Variants in ZNF705D observed in about 807,000 individuals in gnomAD.
ZNF705D encodes zinc finger protein 705D.
For missense variants in ZNF705D, 6 were observed against 129.4 expected, an observed-to-expected ratio of 0.05 and a Z score of 4.63; for synonymous variants, 1 against 43.8, an observed-to-expected ratio of 0.02 and a Z score of 3.86.
chr8:12,095,753 T>TACACACACACAC, the ZNF705D span, among the ~76,000 whole-genome samples: 7 of 27,604 alleles, frequency 2.5e-4, no homozygotes, highest in Non-Finnish European at 3.7e-4. Context: ...TTTTTACTCC[T>TACACACACACAC]ACACACACAC....
the ZNF705D span, among the ~76,000 whole-genome samples, chr8:12,089,988 TG>T: frequency 1.7e-5 from 1 of 58,244 alleles, no homozygotes; most frequent in Non-Finnish European, 5.2e-5. Flanking sequence ...GCCTCCCGAC[TG>T]ACAAAGAAAT....
chr8:12,095,352 AG>A, the ZNF705D span: 2 of 336,740 alleles, frequency 5.9e-6, no homozygotes, highest in Non-Finnish European at 8.0e-6. Flanking sequence ...ACAGCAGAAG[AG>A]GGTTATTGTA....
chr8:12,091,803 T>G, the ZNF705D span, among the ~76,000 whole-genome samples: 9 of 27,410 alleles, frequency 3.3e-4, 1 homozygote, highest in Non-Finnish European at 4.8e-4. Flanking sequence ...TTTTTTGTTT[T>G]TTTTTTTTAG....
upstream of ZNF705D, among the ~76,000 whole-genome samples, chr8:12,107,632 C>T (rs1418575491): frequency 4.2e-5 from 3 of 71,786 alleles, 1 homozygote; most frequent in South Asian, 1.1e-3. Flanking sequence ...ATTATTTCCA[C>T]GTTCCAAGGG....
At chr8:12,109,482 T>C (rs1802249264) in intron 1 of ZNF705D, among the ~76,000 whole-genome samples, 1 of 84,580 alleles carries the variant, frequency 1.2e-5, no homozygotes, top group African/African-American at 3.0e-5. Context: ...AGAGAAATAA[T>C]TTATTTCATC....
intron 2 of ZNF705D, among the ~76,000 whole-genome samples, chr8:12,110,536 T>C (rs1248551138): frequency 3.2e-4 from 5 of 15,826 alleles, no homozygotes; most frequent in Non-Finnish European, 6.9e-4. Flanking sequence ...TTATGCATTG[T>C]GTCTTGGAAC....
upstream of ZNF705D, among the ~76,000 whole-genome samples, chr8:12,103,450 G>C (rs1487942106): frequency 1.7e-4 from 12 of 70,966 alleles, no homozygotes; most frequent in Admixed American, 4.6e-4. Context: ...GACCCGAACA[G>C]ATGCCTGAAT....
In ZNF705D at chr8:12,109,463, C is replaced by T. The variant is rs1402042901; in HGVS notation, c.13-437C>T. On this transcript the variant is annotated intron_variant, in intron 1 of 4. Transcript: ENST00000400078. ...ACCATTTGATTGGGGAGAAACCTGT[C>T]GTTCATCTAGAGAAATAATTTATTT... Among the ~76,000 whole-genome samples the T allele has an allele frequency of 3.5e-5, 3 of 86,252 alleles. 1 individual carries two copies. Among genetic ancestry groups the T allele is most frequent in the Non-Finnish European group, 5.8e-5 (2 of 34,490 alleles). 56.6% of individuals were successfully genotyped at this position (86,252 alleles called of 152,430 possible).
upstream of ZNF705D, among the ~76,000 whole-genome samples, chr8:12,107,347 G>A (rs1802224820): frequency 3.7e-5 from 2 of 54,016 alleles, no homozygotes; most frequent in African/African-American, 1.1e-4. Context: ...TGTCGCCATC[G>A]CTGGAGTGCA....
chr8:12,089,871 G>T, the ZNF705D span, among the ~76,000 whole-genome samples: 393 of 44,428 alleles, frequency 8.8e-3, 89 homozygotes, highest in African/African-American at 0.014. Flanking sequence ...CTAGCTTCCA[G>T]GCACGCTGAA....
At chr8:12,091,883 C>T in the ZNF705D span, among the ~76,000 whole-genome samples, 47 of 7,772 alleles carry the variant, frequency 6.0e-3, no homozygotes, top group African/African-American at 0.01. Context: ...CTGCCCCCTT[C>T]AGCCTTCCAA....
At chr8:12,089,759 G>C in the ZNF705D span, among the ~76,000 whole-genome samples, 1 of 66,860 alleles carries the variant, frequency 1.5e-5, no homozygotes, top group African/African-American at 3.0e-5. Context: ...TGGCTGCTGT[G>C]GGGGATGGAG....
chr8:12,105,752 A>AG (rs1479433161), upstream of ZNF705D, among the ~76,000 whole-genome samples: 1 of 49,168 alleles, frequency 2.0e-5, no homozygotes, highest in Non-Finnish European at 3.5e-5. Context: ...AAAAAAAAAA[A>AG]AGAGAGAGAG....
chr8:12,095,178 A>C, the ZNF705D span: 1,323 of 1,110,864 alleles, frequency 1.2e-3, 85 homozygotes, highest in Non-Finnish European at 1.3e-3. Flanking sequence ...AACAGGCTTC[A>C]GTCCTTTTTG....
chr8:12,097,559 A>G, the ZNF705D span, among the ~76,000 whole-genome samples: 1 of 147,026 alleles, frequency 6.8e-6, no homozygotes, highest in Non-Finnish European at 1.5e-5. Flanking sequence ...AGTTATTCAT[A>G]CCCCAAACCT....
upstream of ZNF705D, among the ~76,000 whole-genome samples, chr8:12,107,698 C>T (rs1164504651): frequency 1.4e-5 from 1 of 69,980 alleles, no homozygotes; most frequent in African/African-American, 4.5e-5. Context: ...CTTCAGAAGG[C>T]TGTGGTGGGT....
At chr8:12,107,246 A>G (rs1802223228), upstream of ZNF705D, among the ~76,000 whole-genome samples, 1 of 37,928 alleles carries the variant, frequency 2.6e-5, no homozygotes, top group Admixed American at 4.0e-4. Flanking sequence ...GCAGGATGGG[A>G]GTGTTGACCC....
the ZNF705D span, among the ~76,000 whole-genome samples, chr8:12,095,752 C>CCA: frequency 2.8e-4 from 4 of 14,180 alleles, no homozygotes; most frequent in Non-Finnish European, 5.0e-4. Context: ...CTTTTTACTC[C>CCA]TACACACACA....
upstream of ZNF705D, among the ~76,000 whole-genome samples, chr8:12,107,582 G>A (rs1467433892): frequency 1.4e-5 from 1 of 70,894 alleles, no homozygotes; most frequent in African/African-American, 4.4e-5. Context: ...GATTACAGGC[G>A]TGAGCCACTG....
Sources: gnomAD v4.1 joint callset for allele counts (sites outside exome capture counted in the v4.1 genomes callset) on GRCh38, gnomAD v4.1.1 for gene constraint, MANE v1.5 for transcripts, NCBI Gene and HGNC (gene_info 2026-07-23, HGNC 2026-07-21) for gene names.